ZNF442: variants seen among roughly 807,000 people sequenced by gnomAD.
ZNF442 encodes zinc finger protein 442.
In ZNF442, 45 loss-of-function variants were observed where a neutral mutation model predicts 57.0. That is an observed-to-expected ratio of 0.79 (90% CI 0.62 to 1.01). The LOEUF (loss-of-function observed/expected upper bound fraction) is 1.01, where lower values mean the gene tolerates loss of function less well. Among genes scored for constraint, ZNF442 ranks in the 50% least tolerant of loss-of-function variants. ZNF442 has a pLI of 0.00. For synonymous variants in ZNF442, 213 were observed against 241.8 expected, an observed-to-expected ratio of 0.88 and a Z score of 1.10; for missense variants, 690 against 756.5, an observed-to-expected ratio of 0.91 and a Z score of 1.03.
Position 12,346,452 on chromosome 19 carries a change from A to G in ZNF442, c.*3249T>C, listed in dbSNP as rs1969131911. The stretch of plus-strand genomic sequence containing the variant: ...AAAAATACGACAACCAGTATATGTG[A>G]CAATGTGGAAAATAGAAACCCTTAT... On this transcript the variant is annotated 3_prime_UTR_variant, in exon 6 of 6. Coordinates refer to ENST00000242804, the MANE Select transcript of ZNF442 (RefSeq NM_030824.3). The G allele has an allele frequency of 6.6e-6, 1 of 152,264 alleles. No individual in the cohort carries two copies. Among genetic ancestry groups the G allele is most frequent in the Non-Finnish European group, 1.5e-5 (1 of 68,044 alleles). 9.4% of individuals were successfully genotyped at this position (152,264 alleles called of 1,614,324 possible). A position where few individuals can be genotyped will look rare whatever the true frequency, so the allele number is the denominator to read the frequency against.
chr19:12,362,784 G>A (rs1969458137), intron 3 of ZNF442, among the ~76,000 whole-genome samples: 2 of 152,026 alleles, frequency 1.3e-5, no homozygotes, highest in Non-Finnish European at 2.9e-5. Context: ...GAAGTGTGGG[G>A]AAAGGAAAGA....
chr19:12,360,819 G>A (rs1238282525), intron 3 of ZNF442, among the ~76,000 whole-genome samples: 4 of 152,156 alleles, frequency 2.6e-5, no homozygotes, highest in African/African-American at 4.8e-5. Flanking sequence ...GGTGATGCTC[G>A]CAGTAAGCCA....
chr19:12,371,324 T>G, the ZNF442 span, among the ~76,000 whole-genome samples: 1 of 152,164 alleles, frequency 6.6e-6, no homozygotes, highest in Non-Finnish European at 1.5e-5. Flanking sequence ...ACTCACAATC[T>G]ATTATCACAA....
At position 12,353,100 on chromosome 19, in the gene ZNF442, A is replaced by T. The variant is rs764196533; in HGVS notation, c.93T>A (p.Phe31Leu). Residue 31 changes from phenylalanine to leucine, a missense_variant, in exon 4 of 6, where the codon TTT becomes TTA. By Grantham distance (22) the Phe-to-Leu change is conservative. Coordinates refer to ENST00000242804, the MANE Select transcript of ZNF442 (RefSeq NM_030824.3). ...EERKQYDSVA[F>L]EDVAVNFTQE... is the part of the protein sequence containing the mutation. ...GGGTGAAGTTCACCGCCACATCCTC[A>T]AAGGCTACTGAATCCTGAAACACCC... 1.4e-5 allele frequency: 22 copies of T among 1,612,052 alleles called. No individual in the cohort carries two copies. Among genetic ancestry groups the T allele is most frequent in the South Asian group, 9.9e-5 (9 of 90,816 alleles).
At chr19:12,370,709 T>C (rs1438550702), upstream of ZNF442, among the ~76,000 whole-genome samples, 1 of 152,068 alleles carries the variant, frequency 6.6e-6, no homozygotes, top group Non-Finnish European at 1.5e-5. Flanking sequence ...GCATGGTGGC[T>C]CACGCCTGTA....
Position 12,351,092 on chromosome 19 carries a change from G to A in ZNF442, c.493C>T (p.His165Tyr), listed in dbSNP as rs772298832. 1 of 1,614,176 alleles carries A rather than the reference G, an allele frequency of 6.2e-7. No homozygotes were observed. The highest frequency in any genetic ancestry group is 1.1e-5 in the South Asian group (1 of 91,084). The part of the protein sequence containing the change: ...HKQCGTAFNY[H>Y]HSFQTQERPH... The stretch of plus-strand genomic sequence containing the variant: ...CTTTCCTGTGTTTGAAAGGAGTGGT[G>A]ATAATTGAAGGCTGTCCCACATTGT... The change falls in exon 6 of 6, where the codon CAC becomes TAC. Residue 165 changes from histidine (H) to tyrosine (Y), a missense_variant. Physicochemically the swap from His to Tyr is moderately conservative, Grantham distance 83. Transcript: ENST00000242804.
At chr19:12,360,208 A>T (rs984804096) in intron 3 of ZNF442, among the ~76,000 whole-genome samples, 1 of 152,142 alleles carries the variant, frequency 6.6e-6, no homozygotes, top group Non-Finnish European at 1.5e-5. Flanking sequence ...CCCGTTTTGC[A>T]GTACTCCTTT....
At chr19:12,360,377 C>G (rs1057503132) in intron 3 of ZNF442, among the ~76,000 whole-genome samples, 2 of 152,202 alleles carry the variant, frequency 1.3e-5, no homozygotes, top group African/African-American at 4.8e-5. Flanking sequence ...AAAGGCTTCT[C>G]CCATGGCTGG....
chr19:12,354,097 A>T (rs562248520), intron 3 of ZNF442, among the ~76,000 whole-genome samples: 6 of 152,280 alleles, frequency 3.9e-5, no homozygotes, highest in African/African-American at 1.4e-4. Context: ...CAAAAAACAC[A>T]CTAAGGTAGA....
chr19:12,359,988 A>G (rs1969396487), intron 3 of ZNF442, among the ~76,000 whole-genome samples: 1 of 152,032 alleles, frequency 6.6e-6, no homozygotes, highest in African/African-American at 2.4e-5. Context: ...AAGAAAAAAA[A>G]AAATCTGATT....
intron 3 of ZNF442, among the ~76,000 whole-genome samples, chr19:12,357,375 A>G (rs1969349901): frequency 9.9e-6 from 1 of 101,522 alleles, no homozygotes; most frequent in African/African-American, 4.0e-5. Context: ...TTTTTTGGAC[A>G]GAGTCTCGCT....
At chr19:12,355,233 G>C (rs945342291) in intron 3 of ZNF442, among the ~76,000 whole-genome samples, 1 of 146,930 alleles carries the variant, frequency 6.8e-6, no homozygotes, top group African/African-American at 2.5e-5. Flanking sequence ...GGAGCTTGCA[G>C]TGAGCCGAGA....
At chr19:12,370,344 A>C (rs1000948853), upstream of ZNF442, among the ~76,000 whole-genome samples, 6 of 151,946 alleles carry the variant, frequency 3.9e-5, no homozygotes, top group Admixed American at 1.3e-4. Context: ...CTCTGATATG[A>C]CAGAAGGCAG....
intron 3 of ZNF442, among the ~76,000 whole-genome samples, chr19:12,362,770 G>A (rs1046320380): frequency 1.3e-5 from 2 of 152,080 alleles, no homozygotes; most frequent in Non-Finnish European, 2.9e-5. Context: ...GAGTGGAAGT[G>A]GGGGAAGTGT....
At chr19:12,372,487 C>T in the ZNF442 span, among the ~76,000 whole-genome samples, 1 of 151,632 alleles carries the variant, frequency 6.6e-6, no homozygotes, top group South Asian at 2.1e-4. Context: ...AAAAGAAATA[C>T]ACTTCAATCA....
At chr19:12,370,382 A>C (rs1969571038), upstream of ZNF442, among the ~76,000 whole-genome samples, 1 of 151,908 alleles carries the variant, frequency 6.6e-6, no homozygotes, top group Non-Finnish European at 1.5e-5. Context: ...GAGTGATGGG[A>C]AGTGGCTGTA....
Position 12,349,772 on chromosome 19 carries a change from A to T in ZNF442, c.1813T>A (p.Cys605Ser), listed in dbSNP as rs532769980. 404 of 1,614,072 alleles carry T rather than the reference A, an allele frequency of 2.5e-4. No homozygotes were observed. Among genetic ancestry groups the T allele is most frequent in the Non-Finnish European group, 3.0e-4 (359 of 1,180,042 alleles). ...CTGAGAGAACTCAGTGCCTTCCCAC[A>T]TTCCTTACATTCATGCATCTTCTCT... ...TGEKMHECKE[C>S]GKALSSLSSL... is the part of the protein sequence containing the mutation. The change falls in exon 6 of 6, where the codon TGT becomes AGT. Residue 605 changes from cysteine (C) to serine (S), a missense_variant. Transcript: ENST00000242804.
intron 4 of ZNF442, 34 bp from the exon 5 acceptor site, chr19:12,352,104 T>G (rs1181008807): frequency 6.3e-7 from 1 of 1,589,002 alleles, no homozygotes; most frequent in Non-Finnish European, 8.6e-7. Flanking sequence ...CACTGTAGAT[T>G]ATTATAAAAT....
At chr19:12,373,303 G>A in the ZNF442 span, among the ~76,000 whole-genome samples, 1 of 152,162 alleles carries the variant, frequency 6.6e-6, no homozygotes, top group Non-Finnish European at 1.5e-5. Context: ...ACTTTGGGAG[G>A]CCACAGTGGG....
Sources: allele counts gnomAD v4.1 joint callset (sites outside exome capture counted in the v4.1 genomes callset), GRCh38; gene constraint gnomAD v4.1.1; transcripts MANE v1.5; gene names NCBI Gene and HGNC (gene_info 2026-07-23, HGNC 2026-07-21).